The following PCDHA7 variants were observed in gnomAD, a reference collection of about 807,000 sequenced individuals.
PCDHA7 encodes protocadherin alpha-7.
PCDHA7 carries 37 observed loss-of-function variants against 57.2 expected under a neutral mutation model. The ratio of observed to expected loss-of-function variants is 0.65; its 90% CI spans 0.50 to 0.85. The LOEUF is 0.85. PCDHA7 is among the 40% of genes least tolerant of loss of function. PCDHA7 has a pLI of 0.00. For missense variants in PCDHA7, 1,188 were observed against 1,241.8 expected, an observed-to-expected ratio of 0.96 and a Z score of 0.65; for synonymous variants, 553 against 558.8, an observed-to-expected ratio of 0.99 and a Z score of 0.15.
intron 1 of PCDHA7, chr5:140,843,599 T>G: frequency 6.3e-7 from 1 of 1,595,978 alleles, no homozygotes; most frequent in South Asian, 1.1e-5. Flanking sequence ...GAGGGTGTGC[T>G]CTGGTGAGGG....
chr5:140,968,629 T>C, intron 1 of PCDHA7: 1 of 1,614,174 alleles, frequency 6.2e-7, no homozygotes, highest in Non-Finnish European at 8.5e-7. Context: ...CTTGGCTTTT[T>C]TACCATCTAG....
intron 1 of PCDHA7, chr5:140,928,465 G>A: frequency 6.2e-7 from 1 of 1,614,168 alleles, no homozygotes; most frequent in Non-Finnish European, 8.5e-7. Context: ...TCATTTCCAA[G>A]TAGAAGGCCG....
chr5:140,936,091 C>T (rs782416143), intron 1 of PCDHA7, among the ~76,000 whole-genome samples: 2 of 152,046 alleles, frequency 1.3e-5, no homozygotes, highest in Non-Finnish European at 2.9e-5. Flanking sequence ...CAGGGTTTCA[C>T]CATGTTGGCC....
At chr5:140,966,172 G>A in intron 1 of PCDHA7, 1 of 184,672 alleles carries the variant, frequency 5.4e-6, no homozygotes, top group East Asian at 1.4e-4. Context: ...TTTTCCTGGG[G>A]AGCTGATAGC....
intron 1 of PCDHA7, among the ~76,000 whole-genome samples, chr5:140,957,571 G>A (rs2095367794): frequency 6.6e-6 from 1 of 152,068 alleles, no homozygotes; most frequent in African/African-American, 2.4e-5. Flanking sequence ...AGGGACTACT[G>A]TACTTTTAAC....
chr5:140,845,064 A>G (rs1225142446), intron 1 of PCDHA7, among the ~76,000 whole-genome samples: 1 of 149,468 alleles, frequency 6.7e-6, no homozygotes, highest in Non-Finnish European at 1.5e-5. Flanking sequence ...GGTAACCTCA[A>G]AGCAGCATTG....
At position 140,927,034 on chromosome 5, in the gene PCDHA7, G is replaced by A. The variant is rs782732545; in HGVS notation, c.2356-51915G>A. ...CTCCGCGGACTTGAGGCTGCCAGCG[G>A]CCGCTATGTCCTCGCGGAACTTTCG... On this transcript the variant is annotated intron_variant, in intron 1 of 3. Coordinates refer to ENST00000525929, the MANE Select transcript of PCDHA7 (RefSeq NM_018910.3). 6 of 1,612,400 alleles carry A rather than the reference G, an allele frequency of 3.7e-6. No individual in the cohort carries two copies. The East Asian group carries it at 8.9e-5, about 24-fold the overall frequency.
intron 1 of PCDHA7, 142 bp from the exon 2 acceptor site, chr5:140,978,807 A>T (rs1489269679): frequency 6.7e-7 from 1 of 1,494,726 alleles, no homozygotes; most frequent in Non-Finnish European, 8.9e-7. Context: ...AGATATCATC[A>T]TAGAGTTACA....
At chr5:140,843,126 G>A (rs2150353418) in intron 1 of PCDHA7, 7 of 1,595,940 alleles carry the variant, frequency 4.4e-6, no homozygotes. Context: ...GCCGACTCGG[G>A]CTACAACGCG....
Position 140,842,830 on chromosome 5 carries a change from G to C in PCDHA7, c.2355+6092G>C. On this transcript the variant is annotated intron_variant, in intron 1 of 3. Transcript: ENST00000525929. Reference sequence around the variant, plus strand: ...TGGAGCGGCGGGTGGGCGAGCGCTCGCTGTCGAGCTACATTTCGGTGCACA... The same window carrying C: ...TGGAGCGGCGGGTGGGCGAGCGCTCCCTGTCGAGCTACATTTCGGTGCACA... 2.4e-5 allele frequency: 39 copies of C among 1,593,780 alleles called. 3 individuals carry two copies. The highest frequency in any genetic ancestry group is 3.2e-5 in the Non-Finnish European group (37 of 1,165,316).
chr5:140,841,338 G>A (rs2150313822), intron 1 of PCDHA7: 3 of 1,611,372 alleles, frequency 1.9e-6, no homozygotes, highest in South Asian at 2.2e-5. Flanking sequence ...TATCACTGGC[G>A]AGGAGAGCTG....
At chr5:140,895,138 G>C (rs782496234) in intron 1 of PCDHA7, among the ~76,000 whole-genome samples, 14 of 151,944 alleles carry the variant, frequency 9.2e-5, no homozygotes, top group Non-Finnish European at 1.8e-4. Flanking sequence ...AAGTTCATAG[G>C]GCTAAGACAG....
chr5:140,931,626 A>G (rs1048704969), intron 1 of PCDHA7, among the ~76,000 whole-genome samples: 1 of 152,052 alleles, frequency 6.6e-6, no homozygotes, highest in Non-Finnish European at 1.5e-5. Flanking sequence ...CTTTTTAGGT[A>G]GCTCATTGGT....
intron 1 of PCDHA7, among the ~76,000 whole-genome samples, chr5:140,953,932 C>G (rs1005245846): frequency 1.2e-4 from 19 of 152,060 alleles, no homozygotes; most frequent in Non-Finnish European, 5.9e-5. Flanking sequence ...CTGATGCTCT[C>G]CCTCCCATTG....
chr5:140,886,373 G>A (rs2060960480), intron 1 of PCDHA7, among the ~76,000 whole-genome samples: 2 of 152,042 alleles, frequency 1.3e-5, no homozygotes. Context: ...ACATGCCATG[G>A]TGTGCTTATC....
intron 1 of PCDHA7, among the ~76,000 whole-genome samples, chr5:140,892,286 C>A (rs2063458721): frequency 1.3e-5 from 2 of 152,136 alleles, no homozygotes; most frequent in South Asian, 4.1e-4. Flanking sequence ...TTAAACACTT[C>A]TTCCTGGAAA....
At chr5:140,919,510 T>G (rs750733245) in intron 1 of PCDHA7, among the ~76,000 whole-genome samples, 2 of 152,208 alleles carry the variant, frequency 1.3e-5, no homozygotes, top group Non-Finnish European at 2.9e-5. Context: ...TTTTTCTATA[T>G]GTTTTAATTC....
chr5:140,850,169 G>C (rs2150470473), intron 1 of PCDHA7: 7 of 1,594,740 alleles, frequency 4.4e-6, no homozygotes, highest in Non-Finnish European at 6.0e-6. Context: ...TGCTGGACGA[G>C]AACGACAATG....
rs17844305 is a variant in PCDHA7, at chr5:140,834,646, C to G, written c.263C>G (p.Ser88Cys). Residue 88 changes from serine (S) to cysteine (C), a missense_variant, in exon 1 of 4, where the codon TCT becomes TGT. Physicochemically the swap from Ser to Cys is moderately radical, Grantham distance 112 (BLOSUM62 -1). Transcript: ENST00000525929. The part of the protein sequence containing the change: ...NLQNGILFVN[S>C]RIDREELCGR... ...CAGAATGGCATTTTGTTTGTGAATT[C>G]TCGGATCGACCGCGAGGAGCTGTGC... The G allele has an allele frequency of 0.069, 112,077 of 1,614,172 alleles. 4,265 individuals carry two copies. The highest frequency in any genetic ancestry group is 0.079 in the Admixed American group (4,739 of 60,020).
Sources: allele counts gnomAD v4.1 joint callset (sites outside exome capture counted in the v4.1 genomes callset), GRCh38; gene constraint gnomAD v4.1.1; transcripts MANE v1.5; gene names NCBI Gene and HGNC (gene_info 2026-07-23, HGNC 2026-07-21).